Variants in CDS2 observed in about 807,000 individuals in gnomAD.
CDS2 encodes the protein phosphatidate cytidylyltransferase 2.
A neutral mutation model predicts 59.0 loss-of-function variants in CDS2; 47 were observed. The ratio of observed to expected loss-of-function variants is 0.80; its 90% CI spans 0.63 to 1.02. The LOEUF (loss-of-function observed/expected upper bound fraction) is 1.02. CDS2 is among the 50% of genes least tolerant of loss of function. The probability of loss-of-function intolerance (pLI) is 0.00; values close to 1 mark genes in which losing one functional copy is unlikely to be tolerated. For missense variants in CDS2, 356 were observed against 558.9 expected (o/e 0.64, Z 3.66); for synonymous variants, 207 against 206.4 (o/e 1.00, Z -0.02).
chr20:5,150,319 G>A (rs970470353), intron 1 of CDS2, among the ~76,000 whole-genome samples: 12 of 152,206 alleles, frequency 7.9e-5, no homozygotes, highest in Non-Finnish European at 1.8e-4. Flanking sequence ...ACCGGGATGA[G>A]CAAACAGACC....
rs985971456 is a variant in CDS2, at chr20:5,197,109, G to A, written c.*6875G>A. 6.6e-6 allele frequency: 1 copy of A among 152,098 alleles called. No homozygotes were observed. Among genetic ancestry groups the A allele is most frequent in the Non-Finnish European group, 1.5e-5 (1 of 68,022 alleles). 9.4% of individuals were successfully genotyped at this position (152,098 alleles called of 1,614,324 possible). A position where few individuals can be genotyped will look rare whatever the true frequency, so the allele number is the denominator to read the frequency against. ...CGTCCAGGGAGATTTGAAGCCATGGGTTATCTTCTAGAGTTGATACTGATA... is the reference window on the plus strand; with the variant it reads ...CGTCCAGGGAGATTTGAAGCCATGGATTATCTTCTAGAGTTGATACTGATA... On this transcript the variant is annotated 3_prime_UTR_variant, in exon 13 of 13. Transcript: ENST00000460006.
chr20:5,145,822 GTTTTT>G (rs11470811), intron 1 of CDS2, among the ~76,000 whole-genome samples: 4 of 129,262 alleles, frequency 3.1e-5, no homozygotes, highest in African/African-American at 3.0e-5. Flanking sequence ...TGCTTTTTGT[GTTTTT>G]TTTTTTTTTT....
intron 1 of CDS2, among the ~76,000 whole-genome samples, chr20:5,141,741 T>C (rs1488761863): frequency 6.6e-6 from 1 of 152,160 alleles, no homozygotes; most frequent in Non-Finnish European, 1.5e-5. Flanking sequence ...TCTCAACCTG[T>C]GGTTTCTGAA....
intron 1 of CDS2, among the ~76,000 whole-genome samples, chr20:5,138,116 A>ATT (rs11475285): frequency 0.074 from 10,600 of 143,250 alleles, 449 homozygotes; most frequent in Middle Eastern, 0.17. Flanking sequence ...ATTTCTTTAA[A>ATT]TTTTTTTTTT....
intron 1 of CDS2, among the ~76,000 whole-genome samples, chr20:5,146,305 C>A (rs1300024461): frequency 1.3e-5 from 2 of 152,146 alleles, no homozygotes; most frequent in Non-Finnish European, 2.9e-5. Flanking sequence ...CTGACAATGA[C>A]CCTGGGAATT....
rs1187367736 is a variant in CDS2, at chr20:5,195,950, G to C, written c.*5716G>C. The C allele has an allele frequency of 6.6e-6, 1 of 152,062 alleles. No individual in the cohort carries two copies. 9.4% of individuals were successfully genotyped at this position (152,062 alleles called of 1,614,324 possible). On this transcript the variant is annotated 3_prime_UTR_variant, in exon 13 of 13. Coordinates refer to ENST00000460006, the MANE Select transcript of CDS2 (RefSeq NM_003818.4). ...CTTGAACTTAGTTTTCTGAATGGGG[G>C]TGGGGAGTTGGGGCACGTGTGTGTA...
intron 10 of CDS2, among the ~76,000 whole-genome samples, chr20:5,188,625 T>TATAAC (rs11472526): frequency 0.034 from 5,150 of 152,300 alleles, 129 homozygotes; most frequent in East Asian, 0.079. Flanking sequence ...CTAGTGTTGA[T>TATAAC]AGAACACTTG....
Position 5,127,111 on chromosome 20 carries a change from A to C in CDS2, c.19A>C (p.Arg7=). The change falls in exon 1 of 13, where the codon AGG becomes CGG. Residue 7 remains arginine (R), a synonymous_variant. Coordinates refer to ENST00000460006, the MANE Select transcript of CDS2 (RefSeq NM_003818.4). MTELRQ[R]VAHEPVAPPE... is the part of the protein sequence containing the mutation. ...TCCCAGGATGACAGAGCTGAGGCAGAGGGTGGCCCATGAGCCGGTTGCGCC... is the reference window on the plus strand; with the variant it reads ...TCCCAGGATGACAGAGCTGAGGCAGCGGGTGGCCCATGAGCCGGTTGCGCC... 3 of 1,498,694 alleles carry C rather than the reference A, an allele frequency of 2.0e-6. No homozygotes were observed. Among genetic ancestry groups the C allele is most frequent in the Non-Finnish European group, 2.7e-6 (3 of 1,123,354 alleles). The allele number at this position is 1,498,694 out of a possible 1,614,324, so 92.8% of individuals were successfully genotyped here.
intron 9 of CDS2, among the ~76,000 whole-genome samples, chr20:5,186,169 G>A (rs1261635329): frequency 6.6e-6 from 1 of 152,224 alleles, no homozygotes; most frequent in Non-Finnish European, 1.5e-5. Flanking sequence ...GCCCAGAGGT[G>A]GGTGATTTTC....
chr20:5,146,089 T>C (rs1446207524), intron 1 of CDS2, among the ~76,000 whole-genome samples: 2 of 152,138 alleles, frequency 1.3e-5, no homozygotes, highest in African/African-American at 4.8e-5. Context: ...TCTCAAAATG[T>C]TGGGATTACA....
At chr20:5,139,478 A>G (rs150110611) in intron 1 of CDS2, among the ~76,000 whole-genome samples, 187 of 152,294 alleles carry the variant, frequency 1.2e-3, no homozygotes, top group African/African-American at 4.3e-3. Context: ...CAGTTTTTCT[A>G]TATGTGAGAC....
Position 5,191,498 on chromosome 20 carries a change from G to A in CDS2, c.*1264G>A, listed in dbSNP as rs571048964. 6.6e-6 allele frequency: 1 copy of A among 152,310 alleles called. No individual in the cohort carries two copies. Among genetic ancestry groups the A allele is most frequent in the South Asian group, 2.1e-4 (1 of 4,824 alleles). 9.4% of individuals were successfully genotyped at this position (152,310 alleles called of 1,614,324 possible). ...CTTTGTCAGGCCAACAAGTGATGGA[G>A]TGCGGGAGAGAGAACTTGGCACCCA... On this transcript the variant is annotated 3_prime_UTR_variant, in exon 13 of 13. Coordinates refer to ENST00000460006, the MANE Select transcript of CDS2 (RefSeq NM_003818.4).
chr20:5,143,989 T>C (rs371886174), intron 1 of CDS2, among the ~76,000 whole-genome samples: 1 of 152,282 alleles, frequency 6.6e-6, no homozygotes, highest in East Asian at 1.9e-4. Flanking sequence ...GGTCTTGAAC[T>C]GCTGGCCTCA....
At chr20:5,134,689 T>C (rs2122950664) in intron 1 of CDS2, among the ~76,000 whole-genome samples, 1 of 152,114 alleles carries the variant, frequency 6.6e-6, no homozygotes, top group South Asian at 2.1e-4. Context: ...CCCAGCTAAT[T>C]TTTATATTTT....
At chr20:5,164,896 C>T (rs2090902311) in intron 1 of CDS2, among the ~76,000 whole-genome samples, 1 of 152,140 alleles carries the variant, frequency 6.6e-6, no homozygotes, top group South Asian at 2.1e-4. Context: ...TAAGTAATGG[C>T]TTGTGATGGA....
intron 2 of CDS2, among the ~76,000 whole-genome samples, chr20:5,174,288 G>A (rs762553096): frequency 1.3e-5 from 2 of 152,194 alleles, no homozygotes; most frequent in Non-Finnish European, 2.9e-5. Context: ...GAATTGTGCA[G>A]TGGTTAAGGG....
At chr20:5,142,037 G>A (rs944411634) in intron 1 of CDS2, among the ~76,000 whole-genome samples, 1 of 152,214 alleles carries the variant, frequency 6.6e-6, no homozygotes, top group African/African-American at 2.4e-5. Context: ...AAGACTTTAG[G>A]TGCTGGTTCA....
chr20:5,185,881 A>G (rs1394408669), intron 9 of CDS2, 55 bp downstream of exon 9: 5 of 1,494,220 alleles, frequency 3.3e-6, no homozygotes, highest in Non-Finnish European at 3.7e-6. Context: ...GCCTCATACC[A>G]CCTTCCAAGG....
intron 1 of CDS2, among the ~76,000 whole-genome samples, chr20:5,129,314 T>C (rs371657284): frequency 2.0e-5 from 3 of 152,204 alleles, no homozygotes; most frequent in African/African-American, 7.2e-5. Context: ...TCTCTCTCTG[T>C]CGCCCAGGCT....
Sources: allele counts gnomAD v4.1 joint callset (sites outside exome capture counted in the v4.1 genomes callset), GRCh38; gene constraint gnomAD v4.1.1; transcripts MANE v1.5; gene names NCBI Gene and HGNC (gene_info 2026-07-23, HGNC 2026-07-21).